PPM1B: variants seen among roughly 807,000 people sequenced by gnomAD.
PPM1B encodes protein phosphatase, Mg2+/Mn2+ dependent 1B.
Under a neutral mutation model 43.0 loss-of-function variants are expected in PPM1B, and 22 were observed. That is an observed-to-expected ratio of 0.51 (90% CI 0.37 to 0.73). PPM1B has a LOEUF of 0.73. Ranked by LOEUF, PPM1B falls within the 30% of genes least tolerant of loss-of-function variation. PPM1B has a pLI of 0.00. For synonymous variants in PPM1B, 217 were observed against 197.9 expected (o/e 1.10, Z -0.81); for missense variants, 632 against 584.2 (o/e 1.08, Z -0.84).
intron 1 of PPM1B, among the ~76,000 whole-genome samples, chr2:44,184,304 C>T (rs1015833036): frequency 1.3e-5 from 2 of 152,152 alleles, no homozygotes; most frequent in African/African-American, 4.8e-5. Flanking sequence ...ATCACTTCCT[C>T]CTCTGTAAGC....
chr2:44,183,929 G>C (rs554130647), intron 1 of PPM1B, among the ~76,000 whole-genome samples: 6 of 152,204 alleles, frequency 3.9e-5, no homozygotes, highest in Admixed American at 3.3e-4. Context: ...TATTAGAGAT[G>C]GGGTTTCACC....
chr2:44,238,711 A>G (rs1436790928), downstream of PPM1B, among the ~76,000 whole-genome samples: 2 of 142,824 alleles, frequency 1.4e-5, no homozygotes, highest in Non-Finnish European at 1.5e-5. Context: ...CAAAAAAAGG[A>G]AAAAAAAAAA....
chr2:44,171,910 C>T (rs573251153), intron 1 of PPM1B, among the ~76,000 whole-genome samples: 2 of 151,202 alleles, frequency 1.3e-5, no homozygotes, highest in Admixed American at 6.6e-5. Context: ...GTGACATTAC[C>T]TAGCATAGAA....
intron 3 of PPM1B, among the ~76,000 whole-genome samples, chr2:44,215,172 A>AT (rs1238396324): frequency 3.3e-5 from 5 of 152,240 alleles, no homozygotes; most frequent in African/African-American, 1.2e-4. Flanking sequence ...CTACAAATCA[A>AT]TTTAAGTTGG....
intron 3 of PPM1B, among the ~76,000 whole-genome samples, chr2:44,210,981 C>T (rs935414681): frequency 6.6e-6 from 1 of 151,904 alleles, no homozygotes; most frequent in East Asian, 1.9e-4. Context: ...ACTAAAAATA[C>T]AAAAATTAGT....
At chr2:44,233,765 C>A, downstream of PPM1B, 1 of 985,604 alleles carries the variant, frequency 1.0e-6, no homozygotes, top group Non-Finnish European at 1.2e-6. Flanking sequence ...TTATTGTGCA[C>A]CTGATTTTTG....
downstream of PPM1B, among the ~76,000 whole-genome samples, chr2:44,237,533 T>A (rs954068311): frequency 6.6e-6 from 1 of 152,204 alleles, no homozygotes; most frequent in Non-Finnish European, 1.5e-5. Flanking sequence ...ACTTAGGAAG[T>A]CAGTATTTCT....
chr2:44,210,335 G>A (rs1188472572), intron 3 of PPM1B, among the ~76,000 whole-genome samples: 1 of 151,018 alleles, frequency 6.6e-6, no homozygotes. Context: ...TCTCACCTCA[G>A]CCTCTCCCAA....
intron 1 of PPM1B, among the ~76,000 whole-genome samples, chr2:44,178,928 A>C (rs1667724693): frequency 6.6e-6 from 1 of 152,240 alleles, no homozygotes; most frequent in African/African-American, 2.4e-5. Context: ...ATATATAAAC[A>C]ATGAAGTTAA....
At chr2:44,233,007 C>T, downstream of PPM1B, 2 of 981,896 alleles carry the variant, frequency 2.0e-6, no homozygotes, top group Non-Finnish European at 2.4e-6. Context: ...CTACTGCATC[C>T]TTCAACTCTC....
At chr2:44,179,757 C>G (rs1006901747) in intron 1 of PPM1B, among the ~76,000 whole-genome samples, 2 of 151,986 alleles carry the variant, frequency 1.3e-5, no homozygotes. Flanking sequence ...GCCTGTAATC[C>G]CAGCACTTTG....
At chr2:44,242,472 CAT>C (rs1396526533) in intron 5 of PPM1B, among the ~76,000 whole-genome samples, 3 of 151,908 alleles carry the variant, frequency 2.0e-5, no homozygotes, top group Admixed American at 6.6e-5. Flanking sequence ...TCTAATTTTC[CAT>C]ATGTTTGAAT....
At chr2:44,232,342 G>A (rs1210796527), downstream of PPM1B, 4 of 1,605,122 alleles carry the variant, frequency 2.5e-6, no homozygotes, top group East Asian at 9.1e-5. Flanking sequence ...AAGACCCATG[G>A]TAGCCTTAAA....
chr2:44,191,658 C>T, intron 1 of PPM1B, among the ~76,000 whole-genome samples: 1 of 152,184 alleles, frequency 6.6e-6, no homozygotes, highest in East Asian at 1.9e-4. Flanking sequence ...ATTGTATCAG[C>T]ATTATTGTAT....
At chr2:44,198,999 C>G (rs566854086) in intron 1 of PPM1B, among the ~76,000 whole-genome samples, 1 of 152,282 alleles carries the variant, frequency 6.6e-6, no homozygotes, top group East Asian at 1.9e-4. Flanking sequence ...TGGCTCATGC[C>G]TGTGATCCTA....
intron 5 of PPM1B, among the ~76,000 whole-genome samples, chr2:44,229,192 AAAAG>A (rs1436651515): frequency 6.6e-6 from 1 of 152,142 alleles, no homozygotes; most frequent in East Asian, 1.9e-4. Context: ...CAAAAAAAAA[AAAAG>A]AACGAAGACA....
Position 44,201,947 on chromosome 2 carries a change from A to G in PPM1B, c.748A>G (p.Ser250Gly). 1 of 1,614,134 alleles carries G rather than the reference A, an allele frequency of 6.2e-7. No homozygotes were observed. Among genetic ancestry groups the G allele is most frequent in the East Asian group, 2.2e-5 (1 of 44,870 alleles). ...TTGTGATGGGATCTGGGATGTTATG[A>G]GTAATGAGGAGCTCTGTGAATATGT... ...LACDGIWDVM[S>G]NEELCEYVKS... The change falls in exon 2 of 6, where the codon AGT (serine) becomes GGT (glycine). Residue 250 changes from serine to glycine, a missense_variant. Physicochemically the swap from Ser to Gly is moderately conservative, Grantham distance 56 (BLOSUM62 0). This residue lies in a region of PPM1B where 392 missense variants were observed against 302.7 expected (regional missense o/e 1.29). Coordinates refer to ENST00000282412, the MANE Select transcript of PPM1B (RefSeq NM_002706.6). This position sits in a 1 kb window ranked among gnomAD's most constrained non-coding sequence, Gnocchi z 5.4.
At chr2:44,223,619 C>A (rs1670073238) in intron 5 of PPM1B, among the ~76,000 whole-genome samples, 2 of 151,622 alleles carry the variant, frequency 1.3e-5, no homozygotes, top group African/African-American at 4.8e-5. Context: ...ACCATCCTGG[C>A]TAACATGGTG....
chr2:44,174,997 A>T (rs557824262), intron 1 of PPM1B, among the ~76,000 whole-genome samples: 1 of 152,172 alleles, frequency 6.6e-6, no homozygotes, highest in Non-Finnish European at 1.5e-5. Flanking sequence ...GCTCACGCCT[A>T]TAATCCTAGC....
Sources: gnomAD v4.1 joint callset for allele counts (sites outside exome capture counted in the v4.1 genomes callset) on GRCh38, gnomAD v4.1.1 for gene constraint, gnomAD v4.1.1 regional missense constraint, Gnocchi (gnomAD v3.1) non-coding constraint, MANE v1.5 for transcripts, NCBI Gene and HGNC (gene_info 2026-07-23, HGNC 2026-07-21) for gene names.